The following EXD1 variants were observed in gnomAD, a reference collection of about 807,000 sequenced individuals.
The protein encoded by EXD1 is piRNA biogenesis protein EXD1.
EXD1 carries 63 observed loss-of-function variants against 49.1 expected under a neutral mutation model. That is an observed-to-expected ratio of 1.28 (90% CI 1.05 to 1.58). EXD1 has a LOEUF of 1.58. Among genes scored for constraint, EXD1 ranks in the 40% most tolerant of loss-of-function variants. EXD1 has a pLI of 0.00. For synonymous variants in EXD1, 234 were observed against 239.2 expected (o/e 0.98, Z 0.20); for missense variants, 748 against 666.0 (o/e 1.12, Z -1.36).
chr15:41,185,824 G>C (rs891968876), intron 11 of EXD1, among the ~76,000 whole-genome samples: 2 of 152,018 alleles, frequency 1.3e-5, no homozygotes, highest in African/African-American at 4.8e-5. Flanking sequence ...CCCGGCATCC[G>C]ATTATATTTT....
intron 3 of EXD1, among the ~76,000 whole-genome samples, chr15:41,219,073 A>G (rs1486456196): frequency 6.6e-6 from 1 of 152,130 alleles, no homozygotes; most frequent in African/African-American, 2.4e-5. Flanking sequence ...TAAAGGGCAG[A>G]AGCAGAAACC....
chr15:41,222,959 A>AT lies in EXD1; in HGVS notation c.134-3062dup, dbSNP rs1491428880. Among the ~76,000 whole-genome samples, 19 of 129,202 alleles carry AT rather than the reference A, an allele frequency of 1.5e-4. 1 individual carries two copies. In the East Asian group the frequency reaches 3.2e-3, roughly 22 times the overall value. The allele number at this position is 129,202 out of a possible 152,430, so 84.8% of individuals were successfully genotyped here. A position where few individuals can be genotyped will look rare whatever the true frequency, so the allele number is the denominator to read the frequency against. Reference sequence around the variant, plus strand: ...CAAAAAAAAAAAAAAAAAAAAAAAAATTTTTTTTAGAGGTGGGGTCTTGTG... The same window carrying AT: ...CAAAAAAAAAAAAAAAAAAAAAAAAATTTTTTTTTAGAGGTGGGGTCTTGTG... On this transcript the variant is annotated intron_variant, in intron 2 of 11. Coordinates refer to ENST00000458580, the MANE Select transcript of EXD1 (RefSeq NM_001286441.2).
chr15:41,213,685 G>C (rs755942897), intron 6 of EXD1, among the ~76,000 whole-genome samples: 7 of 152,094 alleles, frequency 4.6e-5, no homozygotes, highest in Non-Finnish European at 8.8e-5. Flanking sequence ...TTTTAGTAGA[G>C]ATGGGGTTTT....
Position 41,188,588 on chromosome 15 carries a change from T to A in EXD1, c.1056+1349A>T, listed in dbSNP as rs572341987. ...CTGTATTTTTTGTAGAGACGGGGTTTCACCATGTTTGCCAGGCTGATCTCA... is the reference window on the plus strand; with the variant it reads ...CTGTATTTTTTGTAGAGACGGGGTTACACCATGTTTGCCAGGCTGATCTCA... On this transcript the variant is annotated intron_variant, in intron 11 of 11. Transcript: ENST00000458580. Among the ~76,000 whole-genome samples the A allele has an allele frequency of 2.4e-3, 359 of 152,010 alleles. 2 individuals carry two copies. The highest frequency in any genetic ancestry group is 3.5e-3 in the Non-Finnish European group (238 of 67,966).
chr15:41,202,696 G>C (rs970084437), intron 7 of EXD1, among the ~76,000 whole-genome samples: 1 of 151,868 alleles, frequency 6.6e-6, no homozygotes, highest in African/African-American at 2.4e-5. Context: ...CCAACTCCTG[G>C]CTTCAAGCAA....
chr15:41,224,630 C>G (rs1430334145), intron 2 of EXD1, among the ~76,000 whole-genome samples: 1 of 152,020 alleles, frequency 6.6e-6, no homozygotes, highest in Non-Finnish European at 1.5e-5. Context: ...TAACACGAAG[C>G]TATTTCATTG....
intron 2 of EXD1, among the ~76,000 whole-genome samples, chr15:41,221,073 C>T (rs916136736): frequency 2.6e-5 from 4 of 152,110 alleles, no homozygotes; most frequent in Admixed American, 2.6e-4. Context: ...CTACCTAGAG[C>T]TACCATATTG....
At chr15:41,186,394 C>A (rs1328906477) in intron 11 of EXD1, among the ~76,000 whole-genome samples, 1 of 141,908 alleles carries the variant, frequency 7.0e-6, no homozygotes, top group Non-Finnish European at 1.5e-5. Context: ...ATCACTTGAA[C>A]TCAGGAGGTG....
intron 6 of EXD1, 64 bp from the exon 7 acceptor site, chr15:41,209,651 G>A (rs1465342284): frequency 1.5e-6 from 2 of 1,371,128 alleles, no homozygotes; most frequent in Non-Finnish European, 2.1e-6. Context: ...ATAACATCAT[G>A]ATTGGCACAA....
intron 6 of EXD1, among the ~76,000 whole-genome samples, chr15:41,213,996 T>C (rs2046961864): frequency 6.6e-6 from 1 of 152,024 alleles, no homozygotes; most frequent in Middle Eastern, 3.2e-3. Context: ...TGAAACCCCG[T>C]CTCTACTAAA....
At chr15:41,216,877 T>C in intron 4 of EXD1, 82 bp from the exon 5 acceptor site, 1 of 1,573,490 alleles carries the variant, frequency 6.4e-7, no homozygotes, top group South Asian at 1.2e-5. Flanking sequence ...ACATTAACGT[T>C]AAGGACAGTG....
intron 7 of EXD1, among the ~76,000 whole-genome samples, 164 bp from the exon 8 acceptor site, chr15:41,196,201 C>T (rs2046610468): frequency 6.6e-6 from 1 of 152,052 alleles, no homozygotes; most frequent in Non-Finnish European, 1.5e-5. Flanking sequence ...GGCTGGAGTG[C>T]AGTGGCACAA....
chr15:41,199,757 T>TATCTAATATATC (rs770690755), intron 7 of EXD1, among the ~76,000 whole-genome samples: 1 of 87,238 alleles, frequency 1.1e-5, no homozygotes, highest in Admixed American at 1.5e-4. Flanking sequence ...TTATATATGA[T>TATCTAATATATC]ACATATATGA....
At chr15:41,217,529 C>CTTT (rs3033817) in intron 3 of EXD1, among the ~76,000 whole-genome samples, 13,812 of 127,012 alleles carry the variant, frequency 0.11, 1,674 homozygotes, top group African/African-American at 0.28. Context: ...GAGGGTTTTC[C>CTTT]TTTTTTTTTT....
intron 3 of EXD1, among the ~76,000 whole-genome samples, chr15:41,219,128 C>G (rs542084340): frequency 1.3e-5 from 2 of 152,232 alleles, no homozygotes; most frequent in African/African-American, 4.8e-5. Flanking sequence ...TTCTCTTATC[C>G]TACTTGACAT....
chr15:41,184,542 T>C lies in EXD1; in HGVS notation c.1108A>G (p.Lys370Glu). ...EELLQLKDFQ[K>E]QRREKAAREY... is the part of the protein sequence containing the mutation. ...CTTGCAGCTTTCTCCCTGCGCTGCT[T>C]CTGGAAGTCCTTGAGTTGAAGCAGT... Residue 370 changes from lysine (K) to glutamate (E), a missense_variant, in exon 12 of 12, where the codon AAG becomes GAG. By Grantham distance (56) the Lys-to-Glu change is moderately conservative. Transcript: ENST00000458580. The C allele has an allele frequency of 1.9e-6, 3 of 1,609,658 alleles. No homozygotes were observed. The highest frequency in any genetic ancestry group is 2.5e-6 in the Non-Finnish European group (3 of 1,178,866).
intron 11 of EXD1, 118 bp from the exon 12 acceptor site, chr15:41,184,711 G>T: frequency 9.3e-7 from 1 of 1,072,602 alleles, no homozygotes; most frequent in South Asian, 1.8e-5. Flanking sequence ...CTGAAGTGCA[G>T]TGGCACGATC....
chr15:41,199,702 T>C (rs1349564301), intron 7 of EXD1, among the ~76,000 whole-genome samples: 3 of 100,920 alleles, frequency 3.0e-5, no homozygotes, highest in Admixed American at 1.2e-4. Context: ...ATATATTACA[T>C]ATATCATATA....
intron 1 of EXD1, among the ~76,000 whole-genome samples, chr15:41,227,223 T>A (rs1368041698): frequency 6.6e-6 from 1 of 152,208 alleles, no homozygotes; most frequent in Non-Finnish European, 1.5e-5. Flanking sequence ...TTTCAACTTG[T>A]GTTTAATGAA....
Sources: allele counts gnomAD v4.1 joint callset (sites outside exome capture counted in the v4.1 genomes callset), GRCh38; gene constraint gnomAD v4.1.1; transcripts MANE v1.5; gene names NCBI Gene and HGNC (gene_info 2026-07-23, HGNC 2026-07-21).